ZNF385D: variants seen among roughly 807,000 people sequenced by gnomAD.
ZNF385D encodes the protein zinc finger protein 385D.
ZNF385D carries 15 observed loss-of-function variants against 35.8 expected under a neutral mutation model. The ratio of observed to expected loss-of-function variants is 0.42; its 90% CI spans 0.28 to 0.64. ZNF385D has a LOEUF of 0.64. Ranked by LOEUF, ZNF385D falls within the 30% of genes least tolerant of loss-of-function variation. The probability of loss-of-function intolerance (pLI) is 0.23; values close to 1 mark genes in which losing one functional copy is unlikely to be tolerated. For missense variants in ZNF385D, 474 were observed against 494.6 expected (o/e 0.96, Z 0.39); for synonymous variants, 212 against 186.8 (o/e 1.13, Z -1.10).
At chr3:21,450,474 G>A (rs999989620) in intron 4 of ZNF385D, among the ~76,000 whole-genome samples, 3 of 152,112 alleles carry the variant, frequency 2.0e-5, no homozygotes, top group Non-Finnish European at 4.4e-5. Flanking sequence ...TTCCAGAGAA[G>A]GCTAATTAAA....
At chr3:22,249,985 A>T (rs1428295941) in intron 2 of ZNF385D, among the ~76,000 whole-genome samples, 1 of 152,162 alleles carries the variant, frequency 6.6e-6, no homozygotes, top group Admixed American at 6.6e-5. Flanking sequence ...ACCCAAAGCA[A>T]CTATACAATG....
rs1694382392 is a variant in ZNF385D at position 21,823,141 on chromosome 3, A to T, written c.326-158113T>A. Among the ~76,000 whole-genome samples the T allele has an allele frequency of 2.6e-5, 4 of 152,070 alleles. No homozygotes were observed. The South Asian group carries it at 8.3e-4, about 32-fold the overall frequency. ...TATACATATATTACAATATGTGTAC[A>T]TATATGTTTATTGATATTAATGATA... On this transcript the variant is annotated intron_variant, in intron 3 of 5. Coordinates refer to the ZNF385D transcript ENST00000494108.
intron 3 of ZNF385D, among the ~76,000 whole-genome samples, chr3:21,893,982 A>C (rs1699007457): frequency 6.6e-6 from 1 of 152,194 alleles, no homozygotes; most frequent in Non-Finnish European, 1.5e-5. Flanking sequence ...AACTTTTAAC[A>C]TGTTCAAAAC....
chr3:22,266,596 T>C (rs1700909239), intron 2 of ZNF385D, among the ~76,000 whole-genome samples: 1 of 151,880 alleles, frequency 6.6e-6, no homozygotes, highest in Non-Finnish European at 1.5e-5. Flanking sequence ...AGAGCCCTAG[T>C]CTTAGGGAAC....
intron 1 of ZNF385D, among the ~76,000 whole-genome samples, chr3:21,733,780 G>C (rs2069121169): frequency 1.3e-5 from 2 of 152,052 alleles, no homozygotes; most frequent in Admixed American, 1.3e-4. Flanking sequence ...AGTGAAATAG[G>C]AATCCACTTT....
At chr3:22,045,986 G>C (rs981678095) in intron 3 of ZNF385D, among the ~76,000 whole-genome samples, 1 of 152,052 alleles carries the variant, frequency 6.6e-6, no homozygotes, top group Non-Finnish European at 1.5e-5. Context: ...GAAAAATAAT[G>C]AGGGAGGGAA....
intron 3 of ZNF385D, among the ~76,000 whole-genome samples, chr3:21,822,199 G>A (rs554724730): frequency 2.6e-5 from 4 of 151,826 alleles, no homozygotes; most frequent in South Asian, 2.1e-4. Context: ...AGCCTCCCTA[G>A]TAGCTGGGAC....
chr3:22,070,727 G>T (rs1700188607), intron 3 of ZNF385D, among the ~76,000 whole-genome samples: 1 of 151,998 alleles, frequency 6.6e-6, no homozygotes, highest in Non-Finnish European at 1.5e-5. Context: ...CTTTATTAAG[G>T]GTAAGGGGAA....
chr3:21,974,488 A>G lies in ZNF385D; in HGVS notation c.325+194329T>C, dbSNP rs187949563. ...AGAAACTACTAGGAAAAAATTGGAA[A>G]AACTCTCTAGGGCATTGGTCTGGGC... On this transcript the variant is annotated intron_variant, in intron 3 of 5. Transcript: ENST00000494108. Among the ~76,000 whole-genome samples, 924 of 152,172 alleles carry G rather than the reference A, an allele frequency of 6.1e-3. 10 individuals carry two copies. Among genetic ancestry groups the G allele is most frequent in the African/African-American group, 0.021 (884 of 41,540 alleles).
chr3:21,765,138 T>C (rs981103814), intron 3 of ZNF385D, among the ~76,000 whole-genome samples: 1 of 152,056 alleles, frequency 6.6e-6, no homozygotes, highest in Non-Finnish European at 1.5e-5. Flanking sequence ...GTTCTAATGT[T>C]TTAGAATACA....
At chr3:22,172,577 A>T (rs1694534723) in intron 2 of ZNF385D, among the ~76,000 whole-genome samples, 1 of 152,154 alleles carries the variant, frequency 6.6e-6, no homozygotes, top group East Asian at 1.9e-4. Flanking sequence ...CATCTTCTCT[A>T]ACCCACGCCA....
At chr3:22,320,334 A>G (rs1442987900) in intron 2 of ZNF385D, among the ~76,000 whole-genome samples, 1 of 152,098 alleles carries the variant, frequency 6.6e-6, no homozygotes, top group Non-Finnish European at 1.5e-5. Flanking sequence ...CTGGTCCCAA[A>G]TTCTTCCTTT....
chr3:22,236,643 C>T (rs189023563), intron 2 of ZNF385D, among the ~76,000 whole-genome samples: 1 of 152,250 alleles, frequency 6.6e-6, no homozygotes, highest in African/African-American at 2.4e-5. Context: ...ACAATCATCA[C>T]CACTATCTAT....
chr3:21,775,664 T>C (rs546344143), intron 3 of ZNF385D, among the ~76,000 whole-genome samples: 1 of 152,020 alleles, frequency 6.6e-6, no homozygotes, highest in South Asian at 2.1e-4. Context: ...TAGATGTTTG[T>C]TGTTTTTGTA....
At chr3:21,774,652 A>G (rs190316019) in intron 3 of ZNF385D, among the ~76,000 whole-genome samples, 1 of 151,940 alleles carries the variant, frequency 6.6e-6, no homozygotes, top group Non-Finnish European at 1.5e-5. Context: ...GATTAGAGAC[A>G]TATTTAAGAG....
intron 3 of ZNF385D, among the ~76,000 whole-genome samples, chr3:21,980,100 T>C (rs1407959843): frequency 6.6e-6 from 1 of 152,148 alleles, no homozygotes; most frequent in Non-Finnish European, 1.5e-5. Flanking sequence ...AAGCTAGCTA[T>C]ATTGTGGGGT....
At chr3:22,002,976 T>C (rs888373003) in intron 3 of ZNF385D, among the ~76,000 whole-genome samples, 1 of 152,096 alleles carries the variant, frequency 6.6e-6, no homozygotes, top group African/African-American at 2.4e-5. Flanking sequence ...TCATGCTGAA[T>C]GGGGAAAAGC....
At chr3:22,135,182 A>C (rs1213281459) in intron 3 of ZNF385D, among the ~76,000 whole-genome samples, 4 of 152,168 alleles carry the variant, frequency 2.6e-5, no homozygotes, top group African/African-American at 9.7e-5. Flanking sequence ...AATTGAAAAG[A>C]AACAAAATCA....
At chr3:22,371,703 CTCTCT>C (rs950597682) in intron 2 of ZNF385D, among the ~76,000 whole-genome samples, 2 of 152,170 alleles carry the variant, frequency 1.3e-5, no homozygotes, top group Non-Finnish European at 2.9e-5. Context: ...CAACTCTGTG[CTCTCT>C]TCTAATTTGC....
Sources: gnomAD v4.1 joint callset for allele counts (sites outside exome capture counted in the v4.1 genomes callset) on GRCh38, gnomAD v4.1.1 for gene constraint, MANE v1.5 for transcripts, NCBI Gene and HGNC (gene_info 2026-07-23, HGNC 2026-07-21) for gene names.